The following AKAP13 variants were observed in gnomAD, a reference collection of about 807,000 sequenced individuals.
The protein encoded by AKAP13 is A-kinase anchor protein 13.
Under a neutral mutation model 264.5 loss-of-function variants are expected in AKAP13, and 80 were observed. The ratio of observed to expected loss-of-function variants is 0.30; its 90% CI spans 0.25 to 0.36. The LOEUF (loss-of-function observed/expected upper bound fraction) is 0.36. Ranked by LOEUF, AKAP13 falls within the 10% of genes least tolerant of loss-of-function variation. AKAP13 has a pLI of 1.00. For synonymous variants in AKAP13, 1,380 were observed against 1,250.2 expected, an observed-to-expected ratio of 1.10 and a Z score of -2.19; for missense variants, 3,712 against 3,435.2, an observed-to-expected ratio of 1.08 and a Z score of -2.01.
chr15:85,518,234 T>C (rs1375982739), intron 2 of AKAP13, among the ~76,000 whole-genome samples: 2 of 152,226 alleles, frequency 1.3e-5, no homozygotes, highest in Admixed American at 1.3e-4. Flanking sequence ...TGTTATTTTT[T>C]CATCACCATT....
At chr15:85,447,098 C>T (rs1331615647) in intron 1 of AKAP13, among the ~76,000 whole-genome samples, 1 of 152,088 alleles carries the variant, frequency 6.6e-6, no homozygotes, top group African/African-American at 2.4e-5. Flanking sequence ...GAAACTCCAT[C>T]TCTACCAAAA....
intron 9 of AKAP13, among the ~76,000 whole-genome samples, chr15:85,644,840 G>T (rs1056990572): frequency 6.6e-5 from 10 of 152,158 alleles, no homozygotes; most frequent in Non-Finnish European, 1.3e-4. Flanking sequence ...TATCCACTCA[G>T]TAATGGACTT....
intron 8 of AKAP13, among the ~76,000 whole-genome samples, chr15:85,624,171 G>A (rs375939843): frequency 6.6e-6 from 1 of 152,190 alleles, no homozygotes; most frequent in South Asian, 2.1e-4. Flanking sequence ...ATAACTTTGG[G>A]TACCTGGAAA....
Position 85,581,127 on chromosome 15 carries a change from C to G in AKAP13, c.3059C>G (p.Pro1020Arg). The G allele has an allele frequency of 1.2e-6, 2 of 1,613,964 alleles. No homozygotes were observed. Among genetic ancestry groups the G allele is most frequent in the Non-Finnish European group, 1.7e-6 (2 of 1,179,888 alleles). Residue 1020 changes from proline (P) to arginine (R), a missense_variant, in exon 7 of 37, where the codon CCA becomes CGA. Physicochemically the swap from Pro to Arg is moderately radical, Grantham distance 103 (BLOSUM62 -2). Coordinates refer to ENST00000394518, the MANE Select transcript of AKAP13 (RefSeq NM_007200.5). ...GGGGCTGCCCAGAGCCTGGTGCCACCAGGAGCAAGTCTGGCCACAGAGTCA... is the reference window on the plus strand; with the variant it reads ...GGGGCTGCCCAGAGCCTGGTGCCACGAGGAGCAAGTCTGGCCACAGAGTCA... ...QGGAAQSLVP[P>R]GASLATESRQ... is the part of the protein sequence containing the mutation.
intron 30 of AKAP13, among the ~76,000 whole-genome samples, chr15:85,733,662 C>T (rs2088209520): frequency 6.6e-6 from 1 of 152,074 alleles, no homozygotes. Context: ...ATCTCTTCAT[C>T]TTTTTAATGT....
chr15:85,735,109 C>A lies in AKAP13; in HGVS notation c.7400C>A (p.Thr2467Asn). ...GPVSLPRRAETFGGFDSHQMN... is the reference protein window; with the variant it reads ...GPVSLPRRAENFGGFDSHQMN... ...GTTTCCCTGCCCCGGAGAGCAGAGA[C>A]CTTTGGAGGATTTGACAGCCATCAG... The change falls in exon 31 of 37, where the codon ACC (threonine) becomes AAC (asparagine). Residue 2467 changes from threonine (T) to asparagine (N), a missense_variant. Around this residue, in one of 3 missense-constraint regions of AKAP13, gnomAD observed 611 missense variants for 539.3 expected, o/e 1.13. Coordinates refer to ENST00000394518, the MANE Select transcript of AKAP13 (RefSeq NM_007200.5). The A allele has an allele frequency of 6.2e-7, 1 of 1,614,104 alleles. No homozygotes were observed. The highest frequency in any genetic ancestry group is 8.5e-7 in the Non-Finnish European group (1 of 1,180,012).
rs1047911879 is a variant in AKAP13 at position 85,506,938 on chromosome 15, A to G, written c.34-14490A>G. Among the ~76,000 whole-genome samples, 4 of 152,140 alleles carry G rather than the reference A, an allele frequency of 2.6e-5. No homozygotes were observed. The East Asian group carries it at 7.7e-4, about 29-fold the overall frequency. On this transcript the variant is annotated intron_variant, in intron 2 of 36. Coordinates refer to ENST00000394518, the MANE Select transcript of AKAP13 (RefSeq NM_007200.5). Reference sequence around the variant, plus strand: ...TTTGTTCAGTTCTGTGCCTTCGTACATACTCTCCCCTCCTTGGAGTGACTT... The same window carrying G: ...TTTGTTCAGTTCTGTGCCTTCGTACGTACTCTCCCCTCCTTGGAGTGACTT...
At chr15:85,434,422 T>C (rs1471622225) in intron 1 of AKAP13, among the ~76,000 whole-genome samples, 3 of 152,132 alleles carry the variant, frequency 2.0e-5, no homozygotes, top group Non-Finnish European at 4.4e-5. Flanking sequence ...CCAGGCTTGA[T>C]TAGGTAAACA....
At position 85,580,216 on chromosome 15, in the gene AKAP13, A is replaced by T; in HGVS notation, c.2148A>T (p.Thr716=). The T allele has an allele frequency of 1.9e-6, 3 of 1,614,222 alleles. No homozygotes were observed. The highest frequency in any genetic ancestry group is 2.5e-6 in the Non-Finnish European group (3 of 1,180,042). Residue 716 remains threonine, a synonymous_variant, in exon 7 of 37, where the codon ACA becomes ACT. Transcript: ENST00000394518. ...ACTGTGAAGACCCACAGGCTCATACAGTCACCTCTGACCCTGTAAGGGATA... is the reference window on the plus strand; with the variant it reads ...ACTGTGAAGACCCACAGGCTCATACTGTCACCTCTGACCCTGTAAGGGATA... ...ASHCEDPQAH[T]VTSDPVRDTQ... is the part of the protein sequence containing the mutation.
At chr15:85,616,904 T>C (rs2080959228) in intron 8 of AKAP13, among the ~76,000 whole-genome samples, 1 of 152,222 alleles carries the variant, frequency 6.6e-6, no homozygotes. Flanking sequence ...CCAGGGTATT[T>C]GTCCTCCAAC....
intron 1 of AKAP13, among the ~76,000 whole-genome samples, chr15:85,463,002 C>T (rs1359460181): frequency 1.3e-4 from 15 of 114,268 alleles, no homozygotes; most frequent in Admixed American, 4.0e-4. Flanking sequence ...CCAGCCTGGG[C>T]GACAGAGCGA....
intron 14 of AKAP13, among the ~76,000 whole-genome samples, chr15:85,675,394 G>T (rs555348045): frequency 3.4e-4 from 52 of 152,332 alleles, no homozygotes; most frequent in African/African-American, 1.2e-3. Context: ...TTTATCTGGG[G>T]TATGGAGTGG....
chr15:85,440,757 A>G (rs2150953838), intron 1 of AKAP13, among the ~76,000 whole-genome samples: 1 of 152,328 alleles, frequency 6.6e-6, no homozygotes, highest in South Asian at 2.1e-4. Flanking sequence ...CTCTTGTCAT[A>G]TATGCAGTTT....
At chr15:85,539,202 G>A (rs777697508) in intron 4 of AKAP13, among the ~76,000 whole-genome samples, 19 of 151,402 alleles carry the variant, frequency 1.3e-4, no homozygotes, top group Admixed American at 2.6e-4. Flanking sequence ...ACTGCTAGTG[G>A]TTTTTTTTTC....
chr15:85,488,684 G>A (rs1028390504), intron 2 of AKAP13, among the ~76,000 whole-genome samples: 4 of 152,204 alleles, frequency 2.6e-5, no homozygotes, highest in Non-Finnish European at 4.4e-5. Context: ...ATGCTACACT[G>A]CTGGCTTAGA....
chr15:85,474,334 A>G (rs1264814841), intron 1 of AKAP13, among the ~76,000 whole-genome samples: 1 of 152,244 alleles, frequency 6.6e-6, no homozygotes, highest in East Asian at 1.9e-4. Context: ...TCTGCTAAAA[A>G]TGCCATTCAT....
chr15:85,530,675 G>T (rs2077215825), intron 3 of AKAP13, among the ~76,000 whole-genome samples: 1 of 152,068 alleles, frequency 6.6e-6, no homozygotes, highest in African/African-American at 2.4e-5. Flanking sequence ...GCTTAATTTT[G>T]GATAAATGGG....
intron 33 of AKAP13, among the ~76,000 whole-genome samples, chr15:85,737,547 C>CT: frequency 6.6e-6 from 1 of 152,170 alleles, no homozygotes. Flanking sequence ...GGAATCTTTC[C>CT]TTTTTCCCCC....
intron 2 of AKAP13, among the ~76,000 whole-genome samples, chr15:85,492,480 A>T (rs1421682983): frequency 6.6e-6 from 1 of 152,266 alleles, no homozygotes; most frequent in Non-Finnish European, 1.5e-5. Context: ...ACATTTGCTT[A>T]TTCTCTGTAT....
Sources: allele counts gnomAD v4.1 joint callset (sites outside exome capture counted in the v4.1 genomes callset), GRCh38; gene constraint gnomAD v4.1.1; regional missense constraint gnomAD v4.1.1; transcripts MANE v1.5; gene names NCBI Gene and HGNC (gene_info 2026-07-23, HGNC 2026-07-21).